GSE1: variants seen among roughly 807,000 people sequenced by gnomAD.
GSE1 encodes the protein genetic suppressor element 1.
In GSE1, 32 loss-of-function variants were observed where a neutral mutation model predicts 112.6. The observed-to-expected ratio is 0.28, with a 90% CI of 0.21 to 0.38. GSE1 has a LOEUF of 0.38. Ranked by LOEUF, GSE1 falls within the 10% of genes least tolerant of loss-of-function variation. The pLI is 1.00. For missense variants in GSE1, 2,348 were observed against 1,699.2 expected, an observed-to-expected ratio of 1.38 and a Z score of -6.71; for synonymous variants, 1,115 against 735.6, an observed-to-expected ratio of 1.52 and a Z score of -8.35.
chr16:85,334,377 GA>G lies in GSE1; in HGVS notation c.2284-23085del, dbSNP rs572452214. 6.2e-4 allele frequency among the ~76,000 whole-genome samples: 94 copies of G among 152,348 alleles called. 3 individuals are homozygous for G. In the South Asian group the frequency reaches 0.019, roughly 31 times the overall value. On this transcript the variant is annotated intron_variant, in intron 1 of 2. Transcript: ENST00000637419. ...GAGTTTGGACAGGGCCTGCATGGGGGAGCTGCGCTGGGGTTGCTGGAGTCAC... is the reference window on the plus strand; with the variant it reads ...GAGTTTGGACAGGGCCTGCATGGGGGGCTGCGCTGGGGTTGCTGGAGTCAC...
In GSE1 at chr16:85,419,704, G is replaced by A. The variant is rs2048785559; in HGVS notation, c.2464+62061G>A. On this transcript the variant is annotated intron_variant, in intron 2 of 2. Transcript: ENST00000637419. This position sits in a 1 kb window ranked among gnomAD's most constrained non-coding sequence, Gnocchi z 6.5. ...GGTGCAGTCGTGTGCAACGGTGAAT[G>A]CACGTTGGAATCAGCTGGGGATCTC... is the stretch of plus-strand genomic sequence containing the variant. Among the ~76,000 whole-genome samples, 1 of 152,140 alleles carries A rather than the reference G, an allele frequency of 6.6e-6. No homozygotes were observed.
In GSE1 at chr16:85,360,273, G is replaced by A. The variant is rs376309089; in HGVS notation, c.2464+2630G>A. ...GGGGGCGGGGGCCTGAGAGTCTGGG[G>A]GTGCCAAGAAGGGTGCAGAGGTTGT... On this transcript the variant is annotated intron_variant, in intron 2 of 2. Transcript: ENST00000637419. Among the ~76,000 whole-genome samples, 260 of 152,098 alleles carry A rather than the reference G, an allele frequency of 1.7e-3. 11 individuals are homozygous for A. The South Asian group carries it at 0.052, about 30-fold the overall frequency.
chr16:85,222,071 G>A (rs897617622), intron 1 of GSE1, among the ~76,000 whole-genome samples: 3 of 152,144 alleles, frequency 2.0e-5, no homozygotes, highest in African/African-American at 4.8e-5. Context: ...AGGGCCTGGG[G>A]AAGGGGACAG....
chr16:85,378,010 C>T (rs1415163946), intron 2 of GSE1, among the ~76,000 whole-genome samples: 2 of 152,210 alleles, frequency 1.3e-5, no homozygotes, highest in African/African-American at 2.4e-5. Flanking sequence ...ATCTGCACCC[C>T]GGGCTTGGGA....
intron 1 of GSE1, among the ~76,000 whole-genome samples, chr16:85,219,498 C>G (rs1211784467): frequency 6.6e-6 from 1 of 152,156 alleles, no homozygotes; most frequent in East Asian, 1.9e-4. Flanking sequence ...AGCCTCGGCC[C>G]TCAGGCCAGC....
At chr16:85,222,002 C>T (rs536567438) in intron 1 of GSE1, among the ~76,000 whole-genome samples, 1 of 152,272 alleles carries the variant, frequency 6.6e-6, no homozygotes, top group South Asian at 2.1e-4. Context: ...CGGGGAGGCC[C>T]ACAGCAGCCT....
At chr16:85,365,885 G>A (rs1012138583) in intron 2 of GSE1, among the ~76,000 whole-genome samples, 2 of 152,198 alleles carry the variant, frequency 1.3e-5, no homozygotes, top group Admixed American at 6.5e-5. Context: ...TCTGCTATGT[G>A]GCAGATCGCC....
In GSE1 at chr16:85,656,445, A is replaced by ACGCGAGAAGGAG. The variant is rs1388680759; in HGVS notation, c.1099_1110dup (p.Lys367_Glu370dup). The ACGCGAGAAGGAG allele has an allele frequency of 1.9e-6, 3 of 1,545,472 alleles. No individual in the cohort carries two copies. Among genetic ancestry groups the ACGCGAGAAGGAG allele is most frequent in the Non-Finnish European group, 2.6e-6 (3 of 1,137,378 alleles). On this transcript the variant is annotated inframe_insertion, in exon 7 of 16. Coordinates refer to ENST00000253458, the MANE Select transcript of GSE1 (RefSeq NM_014615.5). ...AGCGGGAGAAGGAACGTGAGCGCGA[A>ACGCGAGAAGGAG]CGCGAGAAGGAGCGCGAGCAAGAGA...
intron 1 of GSE1, among the ~76,000 whole-genome samples, chr16:85,234,646 G>A (rs1904406094): frequency 2.0e-5 from 3 of 152,160 alleles, no homozygotes. Flanking sequence ...CGTTCCCAAC[G>A]CCAGGAGGCC....
At chr16:85,186,995 G>A (rs1361076740) in intron 1 of GSE1, among the ~76,000 whole-genome samples, 2 of 152,230 alleles carry the variant, frequency 1.3e-5, no homozygotes, top group Non-Finnish European at 2.9e-5. Flanking sequence ...GTGGGGTCTG[G>A]ATGAGGCCAG....
At chr16:85,567,482 C>G (rs1020650766) in intron 1 of GSE1, among the ~76,000 whole-genome samples, 4 of 152,132 alleles carry the variant, frequency 2.6e-5, no homozygotes, top group Admixed American at 6.5e-5. Context: ...TGGCTGTTCG[C>G]CAGACCGCAG....
rs147620463 is a variant in GSE1 at position 85,364,723 on chromosome 16, G to A, written c.2464+7080G>A. On this transcript the variant is annotated intron_variant, in intron 2 of 2. Coordinates refer to the GSE1 transcript ENST00000637419. ...CTGTGGCCTTCCAGTGACCCATGCC[G>A]TTCCTGCCCACTTCCCGTTGGCCTG... Among the ~76,000 whole-genome samples, 32 of 152,278 alleles carry A rather than the reference G, an allele frequency of 2.1e-4. No individual in the cohort carries two copies. In the East Asian group the frequency reaches 4.3e-3, roughly 20 times the overall value.
At chr16:85,324,509 C>CAAAAAA (rs58493568) in intron 1 of GSE1, among the ~76,000 whole-genome samples, 4 of 98,094 alleles carry the variant, frequency 4.1e-5, no homozygotes, top group Non-Finnish European at 2.3e-5. Context: ...GACTCCCTCT[C>CAAAAAA]AAAAAAAAAA....
Position 85,661,519 on chromosome 16 carries a change from G to C in GSE1, c.2014G>C (p.Gly672Arg). 1 of 1,611,956 alleles carries C rather than the reference G, an allele frequency of 6.2e-7. No individual in the cohort carries two copies. The highest frequency in any genetic ancestry group is 8.5e-7 in the Non-Finnish European group (1 of 1,179,694). ...GCACCAGCCCTTCCTGCCCGGGCCC[G>C]GGCCCTTCCTGGCTGAGCTCGAGAA... ...LEHQPFLPGP[G>R]PFLAELEKST... The change falls in exon 9 of 16, where the codon GGG (glycine) becomes CGG (arginine). Residue 672 changes from glycine to arginine, a missense_variant. Gly to Arg is a moderately radical substitution (Grantham distance 125). Transcript: ENST00000253458.
At chr16:85,273,444 C>T (rs1246328634) in intron 1 of GSE1, among the ~76,000 whole-genome samples, 1 of 152,182 alleles carries the variant, frequency 6.6e-6, no homozygotes, top group African/African-American at 2.4e-5. Context: ...AACATGTGGC[C>T]TCTCCATGCC....
intron 2 of GSE1, among the ~76,000 whole-genome samples, chr16:85,417,438 G>A (rs1426721083): frequency 4.7e-5 from 7 of 147,698 alleles, no homozygotes; most frequent in Non-Finnish European, 6.0e-5. Flanking sequence ...TCTCCCTGCA[G>A]CCTGGAGAGG....
Position 85,661,140 on chromosome 16 carries a change from C to A in GSE1, c.1641-6C>A. On this transcript the variant is annotated splice_polypyrimidine_tract_variant and splice_region_variant and intron_variant, in intron 8 of 15. Coordinates refer to ENST00000253458, the MANE Select transcript of GSE1 (RefSeq NM_014615.5). ...CCCTGACTGAAGGGTTGGTTTCACT[C>A]CCTAGGCCAGGACCAAACCGTCACG... 6.4e-7 allele frequency: 1 copy of A among 1,572,738 alleles called. No homozygotes were observed. The highest frequency in any genetic ancestry group is 1.1e-5 in the South Asian group (1 of 87,242).
chr16:85,666,527 T>C, intron 13 of GSE1, 180 bp downstream of exon 13: 1 of 646,982 alleles, frequency 1.5e-6, no homozygotes, highest in South Asian at 1.9e-5. Context: ...ATCTCCAAGC[T>C]CTAAAACCTG....
chr16:85,265,505 A>G (rs1432118532), intron 1 of GSE1, among the ~76,000 whole-genome samples: 1 of 152,000 alleles, frequency 6.6e-6, no homozygotes, highest in Non-Finnish European at 1.5e-5. Flanking sequence ...TTTCTAGAAT[A>G]TGTCCGGACT....
Sources: allele counts gnomAD v4.1 joint callset (sites outside exome capture counted in the v4.1 genomes callset), GRCh38; gene constraint gnomAD v4.1.1; non-coding constraint Gnocchi (gnomAD v3.1); transcripts MANE v1.5; gene names NCBI Gene and HGNC (gene_info 2026-07-23, HGNC 2026-07-21).